NPAS3: variants seen among roughly 807,000 people sequenced by gnomAD.
The protein encoded by NPAS3 is neuronal PAS domain-containing protein 3.
In NPAS3, 14 loss-of-function variants were observed where a neutral mutation model predicts 73.1. That is an observed-to-expected ratio of 0.19 (90% CI 0.13 to 0.30). The LOEUF is 0.30. NPAS3 is among the 10% of genes least tolerant of loss of function. NPAS3 has a pLI of 1.00. For synonymous variants in NPAS3, 620 were observed against 541.5 expected, an observed-to-expected ratio of 1.14 and a Z score of -2.01; for missense variants, 1,096 against 1,250.0, an observed-to-expected ratio of 0.88 and a Z score of 1.86.
intron 3 of NPAS3, among the ~76,000 whole-genome samples, chr14:33,333,513 C>T (rs1433547755): frequency 3.9e-5 from 6 of 152,084 alleles, no homozygotes; most frequent in African/African-American, 1.4e-4. Context: ...GAAACTAGGG[C>T]TCAGAGCAGT....
At chr14:32,939,737 A>G (rs1272679111) in intron 1 of NPAS3, among the ~76,000 whole-genome samples, 9 of 150,934 alleles carry the variant, frequency 6.0e-5, no homozygotes, top group Non-Finnish European at 1.0e-4. Context: ...GGGGCCGGGG[A>G]TCCCCGGGGC....
At chr14:33,437,792 C>T (rs1373097728) in intron 4 of NPAS3, among the ~76,000 whole-genome samples, 1 of 152,164 alleles carries the variant, frequency 6.6e-6, no homozygotes, top group African/African-American at 2.4e-5. Flanking sequence ...ATGACCACAG[C>T]CAGGGCTTCC....
intron 5 of NPAS3, among the ~76,000 whole-genome samples, chr14:33,648,340 C>A (rs1255879543): frequency 1.3e-5 from 2 of 152,178 alleles, no homozygotes; most frequent in Non-Finnish European, 2.9e-5. Context: ...AAATAATAGT[C>A]CTGCATATAC....
At chr14:33,128,191 G>A (rs531223741) in intron 2 of NPAS3, among the ~76,000 whole-genome samples, 86 of 152,196 alleles carry the variant, frequency 5.7e-4, no homozygotes, top group Non-Finnish European at 1.1e-3. Flanking sequence ...GAAGGTTTAG[G>A]ACATCTAAAA....
chr14:33,512,556 G>A (rs2053107030), intron 4 of NPAS3, among the ~76,000 whole-genome samples: 1 of 151,966 alleles, frequency 6.6e-6, no homozygotes, highest in Admixed American at 6.6e-5. Flanking sequence ...AATTTAATGG[G>A]GTCCCTGAGC....
chr14:33,251,582 C>T lies in NPAS3; in HGVS notation c.385+36156C>T, dbSNP rs895778541. ...TTAATCCAACTGTTTACTTTTTATA[C>T]TTATCTATATTTAATATTTTTTCTT... On this transcript the variant is annotated intron_variant, in intron 3 of 11. Transcript: ENST00000356141. 3.9e-5 allele frequency among the ~76,000 whole-genome samples: 6 copies of T among 151,978 alleles called. No individual in the cohort carries two copies. The East Asian group carries it at 1.2e-3, about 29-fold the overall frequency.
At chr14:32,935,522 A>T (rs900916934), upstream of NPAS3, among the ~76,000 whole-genome samples, 1 of 152,216 alleles carries the variant, frequency 6.6e-6, no homozygotes, top group Non-Finnish European at 1.5e-5. Context: ...AGGGAAATAC[A>T]GCATGAAATC....
intron 1 of NPAS3, among the ~76,000 whole-genome samples, chr14:32,968,531 T>G (rs2037282018): frequency 6.6e-6 from 1 of 152,216 alleles, no homozygotes; most frequent in Non-Finnish European, 1.5e-5. Flanking sequence ...AGTTTTGTAC[T>G]TGGAATATAA....
intron 5 of NPAS3, among the ~76,000 whole-genome samples, chr14:33,620,410 T>C (rs2058044825): frequency 6.6e-6 from 1 of 152,158 alleles, no homozygotes; most frequent in Non-Finnish European, 1.5e-5. Flanking sequence ...ATTCCCTCAC[T>C]TCTGTTCTTA....
At chr14:33,410,769 C>A (rs1289665535) in intron 4 of NPAS3, among the ~76,000 whole-genome samples, 2 of 152,132 alleles carry the variant, frequency 1.3e-5, no homozygotes, top group African/African-American at 4.8e-5. Flanking sequence ...CCTCAGTCCC[C>A]TGAGTAGCTG....
rs138963478 is a variant in NPAS3, at chr14:33,296,979, G to A, written c.386-70207G>A. On this transcript the variant is annotated intron_variant, in intron 3 of 11. Coordinates refer to ENST00000356141, the Ensembl canonical transcript of NPAS3. ...GCTGGACTTTATTTAAGAATAAATC[G>A]CATCCTTTTCTTTCCTTTGATGCTC... 1.1e-3 allele frequency among the ~76,000 whole-genome samples: 162 copies of A among 152,214 alleles called. 1 individual carries two copies. Among genetic ancestry groups the A allele is most frequent in the African/African-American group, 3.7e-3 (152 of 41,550 alleles).
At chr14:33,676,570 G>A (rs1192633849) in intron 6 of NPAS3, among the ~76,000 whole-genome samples, 185 bp downstream of exon 6, 2 of 152,212 alleles carry the variant, frequency 1.3e-5, no homozygotes, top group African/African-American at 2.4e-5. Context: ...ATTTTAATAA[G>A]TATAATCCAG....
intron 3 of NPAS3, among the ~76,000 whole-genome samples, chr14:33,237,781 A>G (rs2048084987): frequency 6.6e-6 from 1 of 151,994 alleles, no homozygotes; most frequent in Non-Finnish European, 1.5e-5. Flanking sequence ...TTTTATTTAT[A>G]GAACTTAATG....
Position 33,481,280 on chromosome 14 carries a change from C to T in NPAS3, c.469-78841C>T, listed in dbSNP as rs186405852. 5.9e-5 allele frequency among the ~76,000 whole-genome samples: 9 copies of T among 152,240 alleles called. No individual in the cohort carries two copies. The East Asian group carries it at 7.7e-4, about 13-fold the overall frequency. The stretch of plus-strand genomic sequence containing the variant: ...GTAACTTGTCTCTGTTCATTGCAAA[C>T]GTCACAAAGTATCTTCACAAGTTTA... On this transcript the variant is annotated intron_variant, in intron 4 of 11. Transcript: ENST00000356141.
intron 1 of NPAS3, among the ~76,000 whole-genome samples, chr14:32,943,554 C>G (rs980657805): frequency 5.9e-5 from 9 of 152,254 alleles, no homozygotes; most frequent in African/African-American, 1.9e-4. Flanking sequence ...GGACCTGCTG[C>G]TAGGATCCCC....
At chr14:33,732,835 G>C (rs957889702) in intron 6 of NPAS3, among the ~76,000 whole-genome samples, 6 of 150,646 alleles carry the variant, frequency 4.0e-5, no homozygotes, top group Admixed American at 2.0e-4. Flanking sequence ...CTCATTCAGG[G>C]CACGATGCCG....
chr14:33,131,330 A>T (rs2043626547), intron 2 of NPAS3, among the ~76,000 whole-genome samples: 1 of 152,102 alleles, frequency 6.6e-6, no homozygotes, highest in African/African-American at 2.4e-5. Context: ...TCCTTTAAAC[A>T]TTTGGCTTAA....
At chr14:33,652,058 A>C (rs1288819183) in intron 5 of NPAS3, among the ~76,000 whole-genome samples, 1 of 152,208 alleles carries the variant, frequency 6.6e-6, no homozygotes, top group African/African-American at 2.4e-5. Context: ...AATACGGTTA[A>C]AAATCAAAAG....
chr14:33,011,186 C>A (rs1332889069), intron 1 of NPAS3, among the ~76,000 whole-genome samples: 3 of 152,164 alleles, frequency 2.0e-5, no homozygotes, highest in African/African-American at 7.2e-5. Flanking sequence ...TGTACTGCAT[C>A]ATTTTTCACC....
Sources: allele counts gnomAD v4.1 joint callset (sites outside exome capture counted in the v4.1 genomes callset), GRCh38; gene constraint gnomAD v4.1.1; transcripts MANE v1.5; gene names NCBI Gene and HGNC (gene_info 2026-07-23, HGNC 2026-07-21).